PTPRD: variants seen among roughly 807,000 people sequenced by gnomAD.
The protein encoded by PTPRD is receptor-type tyrosine-protein phosphatase delta.
A neutral mutation model predicts 214.5 loss-of-function variants in PTPRD; 34 were observed. The ratio of observed to expected loss-of-function variants is 0.16; its 90% CI spans 0.12 to 0.21. The LOEUF (loss-of-function observed/expected upper bound fraction) is 0.21. Ranked by LOEUF, PTPRD falls within the 10% of genes least tolerant of loss-of-function variation. The pLI, the probability that PTPRD is intolerant of heterozygous loss-of-function variation, is 1.00. For missense variants in PTPRD, 2,545 were observed against 2,398.7 expected (o/e 1.06, Z -1.27); for synonymous variants, 1,128 against 845.7 (o/e 1.33, Z -5.79).
At chr9:10,573,127 T>C (rs747752510) in intron 2 of PTPRD, among the ~76,000 whole-genome samples, 7 of 152,130 alleles carry the variant, frequency 4.6e-5, no homozygotes, top group Non-Finnish European at 8.8e-5. Flanking sequence ...CAATACGTGA[T>C]GCCTCCAACA....
At chr9:8,546,391 T>C (rs558053645) in intron 14 of PTPRD, among the ~76,000 whole-genome samples, 3 of 152,364 alleles carry the variant, frequency 2.0e-5, no homozygotes, top group African/African-American at 7.2e-5. Flanking sequence ...ATGCATATGA[T>C]GCAGAGAATA....
intron 5 of PTPRD, among the ~76,000 whole-genome samples, chr9:9,878,498 G>A (rs889627228): frequency 2.6e-5 from 4 of 152,124 alleles, no homozygotes; most frequent in Admixed American, 2.0e-4. Context: ...TTATCCAGGA[G>A]GGGCAAATAA....
intron 3 of PTPRD, among the ~76,000 whole-genome samples, chr9:10,208,308 A>T (rs1275633746): frequency 2.6e-5 from 4 of 152,132 alleles, no homozygotes; most frequent in African/African-American, 9.7e-5. Flanking sequence ...AGGTCAGGAG[A>T]TCGACGCCAT....
At chr9:8,594,698 T>C (rs1211468944) in intron 14 of PTPRD, among the ~76,000 whole-genome samples, 4 of 152,122 alleles carry the variant, frequency 2.6e-5, no homozygotes, top group Admixed American at 6.5e-5. Flanking sequence ...CCTGCGGCCA[T>C]GTAAAACGTG....
intron 2 of PTPRD, among the ~76,000 whole-genome samples, chr9:10,439,192 C>T (rs915110062): frequency 2.0e-5 from 3 of 151,666 alleles, no homozygotes; most frequent in African/African-American, 4.8e-5. Flanking sequence ...CAGAGACCTT[C>T]GTTCAGACTC....
intron 3 of PTPRD, among the ~76,000 whole-genome samples, chr9:10,151,882 G>A (rs952115569): frequency 1.3e-5 from 2 of 152,118 alleles, no homozygotes; most frequent in Non-Finnish European, 2.9e-5. Flanking sequence ...TCTATGTTGT[G>A]TGTATCAATA....
At chr9:9,779,596 T>C (rs910963698) in intron 5 of PTPRD, among the ~76,000 whole-genome samples, 3 of 152,026 alleles carry the variant, frequency 2.0e-5, no homozygotes, top group Admixed American at 2.0e-4. Context: ...AAGAAACATA[T>C]ATAAAAAATG....
At chr9:10,009,644 G>T (rs575637316) in intron 4 of PTPRD, among the ~76,000 whole-genome samples, 2 of 151,998 alleles carry the variant, frequency 1.3e-5, no homozygotes, top group Admixed American at 1.3e-4. Context: ...TTTAAAAGGT[G>T]CTAGACTGTC....
intron 14 of PTPRD, among the ~76,000 whole-genome samples, chr9:8,535,163 A>T (rs2076625168): frequency 6.6e-6 from 1 of 151,950 alleles, no homozygotes; most frequent in South Asian, 2.1e-4. Context: ...AGTGTCTGGC[A>T]TCTAGTAAAA....
chr9:9,712,166 AT>A (rs1297957715), intron 7 of PTPRD, among the ~76,000 whole-genome samples: 4 of 152,094 alleles, frequency 2.6e-5, no homozygotes, highest in African/African-American at 7.2e-5. Context: ...TATCCATTAA[AT>A]TTTTTTTGTC....
chr9:9,577,108 T>C (rs954348600), intron 7 of PTPRD, among the ~76,000 whole-genome samples: 1 of 152,206 alleles, frequency 6.6e-6, no homozygotes, highest in Non-Finnish European at 1.5e-5. Context: ...CCAGAAATGA[T>C]ATTCAAAGTA....
At chr9:8,705,449 C>G (rs1210042624) in intron 12 of PTPRD, among the ~76,000 whole-genome samples, 1 of 152,168 alleles carries the variant, frequency 6.6e-6, no homozygotes, top group Non-Finnish European at 1.5e-5. Flanking sequence ...TGCAGAGGAG[C>G]ACATACAAGA....
rs116180930 is a variant in PTPRD, at chr9:9,952,564, A to T, written c.-471-13954T>A. Among the ~76,000 whole-genome samples, 1,254 of 152,300 alleles carry T rather than the reference A, an allele frequency of 8.2e-3. 15 individuals are homozygous for T. Among genetic ancestry groups the T allele is most frequent in the African/African-American group, 0.029 (1,195 of 41,560 alleles). ...TCTGACAATCAAATTAGTTCACAGA[A>T]TCCAGAGTACAATGATTGAATGGAA... On this transcript the variant is annotated intron_variant, in intron 4 of 45. Transcript: ENST00000381196.
intron 8 of PTPRD, among the ~76,000 whole-genome samples, chr9:9,404,313 G>C (rs1304885721): frequency 2.6e-5 from 4 of 152,214 alleles, no homozygotes; most frequent in East Asian, 1.9e-4. Context: ...TGGGAGATCA[G>C]TTTTGAACCT....
chr9:9,431,332 T>C (rs113264133), intron 8 of PTPRD, among the ~76,000 whole-genome samples: 9,969 of 152,124 alleles, frequency 0.066, 362 homozygotes, highest in Middle Eastern at 0.17. Context: ...ATCAGAGAAA[T>C]ACAAATCAAA....
intron 11 of PTPRD, among the ~76,000 whole-genome samples, chr9:9,001,687 C>G: frequency 6.6e-6 from 1 of 151,966 alleles, no homozygotes; most frequent in Non-Finnish European, 1.5e-5. Flanking sequence ...AGCTACATTG[C>G]TGCTCTAGGA....
At chr9:9,693,225 G>A (rs1236516849) in intron 7 of PTPRD, among the ~76,000 whole-genome samples, 1 of 151,928 alleles carries the variant, frequency 6.6e-6, no homozygotes, top group Non-Finnish European at 1.5e-5. Flanking sequence ...CTTTGTGTTC[G>A]CACTAAATCT....
At chr9:10,387,204 C>T (rs1370315107) in intron 2 of PTPRD, among the ~76,000 whole-genome samples, 2 of 151,794 alleles carry the variant, frequency 1.3e-5, no homozygotes, top group African/African-American at 4.8e-5. Context: ...AAGGCACTAA[C>T]TTCGCAGTAA....
At chr9:10,254,452 A>G (rs2093067648) in intron 3 of PTPRD, among the ~76,000 whole-genome samples, 2 of 150,254 alleles carry the variant, frequency 1.3e-5, no homozygotes, top group African/African-American at 4.9e-5. Flanking sequence ...GACTTTATCT[A>G]TTTTTTCTTG....
Sources: allele counts gnomAD v4.1 joint callset (sites outside exome capture counted in the v4.1 genomes callset), GRCh38; gene constraint gnomAD v4.1.1; transcripts MANE v1.5; gene names NCBI Gene and HGNC (gene_info 2026-07-23, HGNC 2026-07-21).